The following CEP76 variants were observed in gnomAD, a reference collection of about 807,000 sequenced individuals.
CEP76 encodes centrosomal protein of 76 kDa.
A neutral mutation model predicts 83.3 loss-of-function variants in CEP76; 55 were observed. That is an observed-to-expected ratio of 0.66 (90% CI 0.53 to 0.83). The LOEUF (loss-of-function observed/expected upper bound fraction) is 0.83, where lower values mean the gene tolerates loss of function less well. Ranked by LOEUF, CEP76 falls within the 40% of genes least tolerant of loss-of-function variation. The pLI, the probability that CEP76 is intolerant of heterozygous loss-of-function variation, is 0.00. For synonymous variants in CEP76, 270 were observed against 274.5 expected (o/e 0.98, Z 0.16); for missense variants, 694 against 799.5 (o/e 0.87, Z 1.59).
chr18:12,673,231 G>T lies in CEP76; in HGVS notation c.*134C>A. ...ATTTTTTTTAAACATTACCAGTCAA[G>T]TATATACAAAATTGAAGTATGCCAT... On this transcript the variant is annotated 3_prime_UTR_variant, in exon 12 of 12. Coordinates refer to ENST00000262127, the MANE Select transcript of CEP76 (RefSeq NM_024899.4). The T allele has an allele frequency of 7.0e-7, 1 of 1,422,352 alleles. No individual in the cohort carries two copies. 88.1% of individuals were successfully genotyped at this position (1,422,352 alleles called of 1,614,324 possible).
chr18:12,686,005 A>C (rs978146724), intron 8 of CEP76: 20 of 294,814 alleles, frequency 6.8e-5, no homozygotes, highest in Non-Finnish European at 1.3e-5. Flanking sequence ...AATTGTTTAA[A>C]AATCTCAATA....
In CEP76 at chr18:12,695,265, C is replaced by A; in HGVS notation, c.793G>T (p.Val265Leu). Residue 265 changes from valine (V) to leucine (L), a missense_variant, in exon 6 of 12, where the codon GTG becomes TTG. Transcript: ENST00000262127. ...PLNQTLSQEV[V>L]NTQLALERQK... ...TCATAAGTATTTACCTGTGTGTTCA[C>A]TACTTCTTGAGATAACGTTTGATTG... 1.3e-6 allele frequency: 2 copies of A among 1,484,752 alleles called. No individual in the cohort carries two copies. Among genetic ancestry groups the A allele is most frequent in the Middle Eastern group, 1.8e-4 (1 of 5,528 alleles). The allele number at this position is 1,484,752 out of a possible 1,614,324, so 92.0% of individuals were successfully genotyped here.
rs376598672 is a variant in CEP76, at chr18:12,675,568, T to C, written c.1624-815A>G. Among the ~76,000 whole-genome samples the C allele has an allele frequency of 2.4e-4, 36 of 152,292 alleles. 1 individual carries two copies. The East Asian group carries it at 5.2e-3, about 22-fold the overall frequency. ...GAACATGTACTCTATAAAACTTATA[T>C]ACTGTAAGAGATAAAAAGATGAAGA... is the stretch of plus-strand genomic sequence containing the variant. On this transcript the variant is annotated intron_variant, in intron 10 of 11. Coordinates refer to ENST00000262127, the MANE Select transcript of CEP76 (RefSeq NM_024899.4).
At chr18:12,697,176 G>C in intron 5 of CEP76, 47 bp downstream of exon 5, 4 of 1,236,036 alleles carry the variant, frequency 3.2e-6, no homozygotes, top group Non-Finnish European at 4.6e-6. Context: ...ATTTACAAAT[G>C]AACTGTGGCT....
intron 6 of CEP76, among the ~76,000 whole-genome samples, chr18:12,692,496 G>A (rs1339087057): frequency 6.6e-6 from 1 of 151,994 alleles, no homozygotes; most frequent in African/African-American, 2.4e-5. Flanking sequence ...TTTGTTCTAG[G>A]CTGTTCCCAG....
At chr18:12,696,346 T>C (rs2039957223) in intron 5 of CEP76, among the ~76,000 whole-genome samples, 1 of 151,950 alleles carries the variant, frequency 6.6e-6, no homozygotes, top group East Asian at 1.9e-4. Flanking sequence ...CTACTAAAAA[T>C]ACAAAAATTA....
downstream of CEP76, among the ~76,000 whole-genome samples, chr18:12,668,762 A>G (rs1472501204): frequency 2.6e-5 from 3 of 115,154 alleles, no homozygotes; most frequent in Non-Finnish European, 3.5e-5. Context: ...TTTTTGAGAC[A>G]GAGTCTTGCT....
In CEP76 at chr18:12,702,672, G is replaced by T; in HGVS notation, c.-124C>A. 1 of 1,113,916 alleles carries T rather than the reference G, an allele frequency of 9.0e-7. No homozygotes were observed. Among genetic ancestry groups the T allele is most frequent in the Non-Finnish European group, 1.2e-6 (1 of 805,466 alleles). The allele number at this position is 1,113,916 out of a possible 1,614,324, so 69.0% of individuals were successfully genotyped here. ...AAAGCGCCGCAGCCGTTCGCCTAGC[G>T]CAGCTCCCGGGGGACGCAACGCCGC... On this transcript the variant is annotated 5_prime_UTR_variant, in exon 1 of 12. Coordinates refer to ENST00000262127, the MANE Select transcript of CEP76 (RefSeq NM_024899.4).
At chr18:12,702,032 C>T (rs1373876153) in intron 1 of CEP76, among the ~76,000 whole-genome samples, 3 of 152,060 alleles carry the variant, frequency 2.0e-5, no homozygotes, top group Non-Finnish European at 4.4e-5. Flanking sequence ...GAGGCTGAGG[C>T]GGAGAATCGC....
At chr18:12,702,766 C>T (rs1468426725), upstream of CEP76, 2 of 585,642 alleles carry the variant, frequency 3.4e-6, no homozygotes, top group African/African-American at 4.0e-5. Context: ...CAAACAGTGG[C>T]GGACAAACAG....
intron 8 of CEP76, chr18:12,685,561 T>C (rs763178833): frequency 6.6e-6 from 1 of 152,122 alleles, no homozygotes; most frequent in Non-Finnish European, 1.5e-5. Context: ...GTCAAGCTGA[T>C]AGCACCCCAA....
At chr18:12,665,041 G>GT (rs1016107075) in intron 12 of CEP76, 41 of 149,308 alleles carry the variant, frequency 2.7e-4, no homozygotes, top group Admixed American at 4.0e-4. Context: ...CTCAAAAAAG[G>GT]TTTTTTTTTT....
intron 12 of CEP76, among the ~76,000 whole-genome samples, chr18:12,664,270 A>G (rs2038758616): frequency 6.6e-6 from 1 of 152,200 alleles, no homozygotes; most frequent in African/African-American, 2.4e-5. Flanking sequence ...TAGGCCGGGC[A>G]TGGTGGCTCA....
chr18:12,667,888 G>A (rs2144955004), downstream of CEP76, among the ~76,000 whole-genome samples: 2 of 134,758 alleles, frequency 1.5e-5, no homozygotes, highest in Admixed American at 7.8e-5. Flanking sequence ...CAAGAAAGCA[G>A]TAAGGGAGAA....
intron 2 of CEP76, chr18:12,700,295 T>C (rs2040107165): frequency 6.4e-6 from 1 of 155,380 alleles, no homozygotes; most frequent in African/African-American, 2.4e-5. Flanking sequence ...TCAATTTTTA[T>C]AACAAACGGG....
intron 1 of CEP76, 118 bp from the exon 2 acceptor site, chr18:12,701,231 G>C (rs898804986): frequency 1.4e-6 from 1 of 694,764 alleles, no homozygotes; most frequent in Admixed American, 2.8e-5. Context: ...AATTGAATGG[G>C]AACAAAGGTA....
In CEP76 at chr18:12,686,404, A is replaced by C; in HGVS notation, c.980T>G (p.Leu327Arg). Residue 327 changes from leucine to arginine, a missense_variant, in exon 8 of 12, where the codon CTT (leucine) becomes CGT (arginine). Transcript: ENST00000262127. ...NRPVCSYVKP[L>R]RAGRLLDTPR... ...AGTATCAAGAAGCCGTCCAGCTCGA[A>C]GTGGTTTAACATAGGAACAGACTGG... 3.1e-6 allele frequency: 5 copies of C among 1,614,112 alleles called. No homozygotes were observed. The highest frequency in any genetic ancestry group is 4.2e-6 in the Non-Finnish European group (5 of 1,179,992).
At chr18:12,701,906 G>A (rs957392252) in intron 1 of CEP76, among the ~76,000 whole-genome samples, 3 of 152,116 alleles carry the variant, frequency 2.0e-5, no homozygotes, top group Non-Finnish European at 2.9e-5. Flanking sequence ...CGAGGCGGCC[G>A]GATCACGAAG....
At position 12,682,489 on chromosome 18, in the gene CEP76, A is replaced by C. The variant is rs1470447109; in HGVS notation, c.1123-1661T>G. 4.0e-5 allele frequency among the ~76,000 whole-genome samples: 6 copies of C among 151,630 alleles called. No individual in the cohort carries two copies. In the East Asian group the frequency reaches 1.2e-3, roughly 30 times the overall value. On this transcript the variant is annotated intron_variant, in intron 8 of 11. Coordinates refer to ENST00000262127, the MANE Select transcript of CEP76 (RefSeq NM_024899.4). ...CAGGCATGAGCCACCTTACCTGGCC[A>C]AGAAATTTCTTTCTCCAAAAAATTG...
Sources: allele counts gnomAD v4.1 joint callset (sites outside exome capture counted in the v4.1 genomes callset), GRCh38; gene constraint gnomAD v4.1.1; transcripts MANE v1.5; gene names NCBI Gene and HGNC (gene_info 2026-07-23, HGNC 2026-07-21).